Variants in ITGA9 observed in about 807,000 individuals in gnomAD.
ITGA9 encodes integrin subunit alpha 9, also known as integrin alpha-9.
A neutral mutation model predicts 127.8 loss-of-function variants in ITGA9; 56 were observed. The observed-to-expected ratio is 0.44, with a 90% CI of 0.35 to 0.55. The LOEUF is 0.55. Ranked by LOEUF, ITGA9 falls within the 20% of genes least tolerant of loss-of-function variation. ITGA9 has a pLI of 0.00. For synonymous variants in ITGA9, 508 were observed against 514.5 expected, an observed-to-expected ratio of 0.99 and a Z score of 0.17; for missense variants, 1,196 against 1,347.1, an observed-to-expected ratio of 0.89 and a Z score of 1.76.
chr3:37,675,564 G>C (rs1212930103), intron 17 of ITGA9, among the ~76,000 whole-genome samples: 1 of 152,046 alleles, frequency 6.6e-6, no homozygotes, highest in Non-Finnish European at 1.5e-5. Context: ...AATGAATGAG[G>C]CTCATTTGCA....
At chr3:37,542,961 T>C (rs149793255) in intron 15 of ITGA9, among the ~76,000 whole-genome samples, 3 of 152,162 alleles carry the variant, frequency 2.0e-5, no homozygotes, top group Non-Finnish European at 4.4e-5. Flanking sequence ...CTGCACCTGA[T>C]GCCTTTCTCA....
At chr3:37,571,838 G>A (rs1050236661) in intron 15 of ITGA9, among the ~76,000 whole-genome samples, 6 of 151,966 alleles carry the variant, frequency 3.9e-5, no homozygotes, top group African/African-American at 1.4e-4. Context: ...CTTGTCCATC[G>A]TGTCTCACCA....
At chr3:37,717,708 C>T (rs1346478504) in intron 18 of ITGA9, among the ~76,000 whole-genome samples, 1 of 152,172 alleles carries the variant, frequency 6.6e-6, no homozygotes, top group African/African-American at 2.4e-5. Flanking sequence ...CCAGATCCCT[C>T]CTTAAATTCA....
rs558571451 is a variant in ITGA9 at position 37,810,162 on chromosome 3, G to A, written c.3009+6220G>A. On this transcript the variant is annotated intron_variant, in intron 27 of 27. Transcript: ENST00000264741. The stretch of plus-strand genomic sequence containing the variant: ...TTGCTACCTATGGTCATTTGCTGCT[G>A]CCTTGAGGTCCGGAGCCAAAAGTGG... Among the ~76,000 whole-genome samples, 196 of 152,332 alleles carry A rather than the reference G, an allele frequency of 1.3e-3. 1 individual carries two copies. The highest frequency in any genetic ancestry group is 4.3e-3 in the African/African-American group (180 of 41,582).
rs1300332479 is a variant in ITGA9, at chr3:37,629,245, A to AGCAT, written c.1750_1753dup (p.Val585AlafsTer34). 1 of 1,613,884 alleles carries AGCAT rather than the reference A, an allele frequency of 6.2e-7. No individual in the cohort carries two copies. The highest frequency in any genetic ancestry group is 2.2e-5 in the East Asian group (1 of 44,874). On this transcript the variant is annotated frameshift_variant, in exon 16 of 28. Transcript: ENST00000264741. LOFTEE classifies it high-confidence loss of function. This position sits in a 1 kb window ranked among gnomAD's most constrained non-coding sequence, Gnocchi z 4.5. Reference sequence around the variant, plus strand: ...TTTGAAGCAGCCTACAGCCTCAGTGAGCATGTGACTGGAGAGGAGGAGAGG... The same window carrying AGCAT: ...TTTGAAGCAGCCTACAGCCTCAGTGAGCATGCATGTGACTGGAGAGGAGGAGAGG...
At chr3:37,603,628 C>T (rs1699942138) in intron 15 of ITGA9, among the ~76,000 whole-genome samples, 1 of 152,200 alleles carries the variant, frequency 6.6e-6, no homozygotes, top group Non-Finnish European at 1.5e-5. Context: ...TCTAAGTTTC[C>T]TTACCAAAAA....
chr3:37,759,616 C>G (rs1313637175), intron 23 of ITGA9, among the ~76,000 whole-genome samples: 1 of 152,108 alleles, frequency 6.6e-6, no homozygotes, highest in Non-Finnish European at 1.5e-5. Flanking sequence ...GAAAGTAAAA[C>G]ATGGGCTGAG....
At chr3:37,625,446 T>G (rs1173876932) in intron 15 of ITGA9, among the ~76,000 whole-genome samples, 1 of 152,218 alleles carries the variant, frequency 6.6e-6, no homozygotes, top group East Asian at 1.9e-4. Context: ...AGCCTGGGTG[T>G]TCTCCTCTGT....
At chr3:37,577,371 G>A (rs147506356) in intron 15 of ITGA9, among the ~76,000 whole-genome samples, 1 of 152,340 alleles carries the variant, frequency 6.6e-6, no homozygotes, top group African/African-American at 2.4e-5. Flanking sequence ...CCCAAATGAT[G>A]CTGTTGGCCT....
intron 16 of ITGA9, among the ~76,000 whole-genome samples, chr3:37,652,281 C>A (rs1193244233): frequency 1.3e-5 from 2 of 152,166 alleles, no homozygotes; most frequent in Non-Finnish European, 2.9e-5. Context: ...TAAAGCCCAC[C>A]TTTCATCTTG....
chr3:37,541,975 T>C (rs1218036895), intron 14 of ITGA9, among the ~76,000 whole-genome samples: 1 of 152,208 alleles, frequency 6.6e-6, no homozygotes, highest in Non-Finnish European at 1.5e-5. Flanking sequence ...ATGGTTCCCT[T>C]GTGTTGGGCA....
chr3:37,587,825 C>G (rs73824841), intron 15 of ITGA9, among the ~76,000 whole-genome samples: 4 of 152,306 alleles, frequency 2.6e-5, no homozygotes, highest in African/African-American at 7.2e-5. Flanking sequence ...GCAGTCAAGG[C>G]GGAGCAGGCC....
At chr3:37,517,081 G>C (rs533742477) in intron 9 of ITGA9, among the ~76,000 whole-genome samples, 2 of 152,236 alleles carry the variant, frequency 1.3e-5, no homozygotes, top group African/African-American at 4.8e-5. Flanking sequence ...TTATAAACTT[G>C]TACCAAAAGG....
chr3:37,757,049 A>G (rs976205145), intron 23 of ITGA9, among the ~76,000 whole-genome samples: 3 of 151,826 alleles, frequency 2.0e-5, no homozygotes. Flanking sequence ...CACTACTTAC[A>G]TGTGGAAAAT....
intron 1 of ITGA9, among the ~76,000 whole-genome samples, chr3:37,460,771 AGT>A (rs1698308400): frequency 6.6e-6 from 1 of 151,830 alleles, no homozygotes; most frequent in Non-Finnish European, 1.5e-5. Context: ...TTGTATTTTT[AGT>A]AGAGAGTGGG....
chr3:37,657,686 A>T, intron 17 of ITGA9, among the ~76,000 whole-genome samples: 1 of 141,786 alleles, frequency 7.1e-6, no homozygotes, highest in Admixed American at 7.1e-5. Flanking sequence ...TCATGTCTCT[A>T]TCTCCTTCAG....
At chr3:37,520,844 C>T (rs2125581205) in intron 11 of ITGA9, among the ~76,000 whole-genome samples, 1 of 152,306 alleles carries the variant, frequency 6.6e-6, no homozygotes, top group South Asian at 2.1e-4. Context: ...GGGTCATTCT[C>T]CACGCATCCT....
At chr3:37,519,384 G>A (rs780943198) in intron 11 of ITGA9, 30 bp downstream of exon 11, 8 of 1,521,940 alleles carry the variant, frequency 5.3e-6, no homozygotes, top group Non-Finnish European at 6.4e-6. Context: ...TATGGCAACT[G>A]TTCATACATT....
At chr3:37,564,469 C>G (rs1699526248) in intron 15 of ITGA9, among the ~76,000 whole-genome samples, 1 of 152,150 alleles carries the variant, frequency 6.6e-6, no homozygotes, top group African/African-American at 2.4e-5. Context: ...GCCTCCTACA[C>G]TATGGAAGAC....
Sources: allele counts gnomAD v4.1 joint callset (sites outside exome capture counted in the v4.1 genomes callset), GRCh38; gene constraint gnomAD v4.1.1; non-coding constraint Gnocchi (gnomAD v3.1); transcripts MANE v1.5; gene names NCBI Gene and HGNC (gene_info 2026-07-23, HGNC 2026-07-21).